PDE10A: variants seen among roughly 807,000 people sequenced by gnomAD.
The protein encoded by PDE10A is phosphodiesterase 10A.
A neutral mutation model predicts 97.7 loss-of-function variants in PDE10A; 39 were observed. The ratio of observed to expected loss-of-function variants is 0.40; its 90% CI spans 0.31 to 0.52. PDE10A has a LOEUF of 0.52. PDE10A is among the 20% of genes least tolerant of loss of function. PDE10A has a pLI of 0.56. For synonymous variants in PDE10A, 371 were observed against 376.8 expected, an observed-to-expected ratio of 0.98 and a Z score of 0.18; for missense variants, 731 against 1,047.8, an observed-to-expected ratio of 0.70 and a Z score of 4.17.
At chr6:165,397,702 CAAAA>C (rs71026686) in intron 13 of PDE10A, among the ~76,000 whole-genome samples, 2 of 88,392 alleles carry the variant, frequency 2.3e-5, no homozygotes, top group Admixed American at 1.3e-4. Flanking sequence ...AACTCCATCT[CAAAA>C]AAAAAAAAAA....
intron 1 of PDE10A, among the ~76,000 whole-genome samples, chr6:165,774,574 T>A (rs1157345958): frequency 6.8e-6 from 1 of 147,912 alleles, no homozygotes; most frequent in Non-Finnish European, 1.5e-5. Context: ...ATGCATATTA[T>A]TTTATATACT....
intron 2 of PDE10A, among the ~76,000 whole-genome samples, chr6:165,534,757 A>T (rs922865390): frequency 6.6e-6 from 1 of 152,118 alleles, no homozygotes; most frequent in African/African-American, 2.4e-5. Flanking sequence ...TTCCTTTATG[A>T]TAAAAACGCT....
chr6:165,896,012 C>T (rs1338154860), intron 1 of PDE10A, among the ~76,000 whole-genome samples: 2 of 152,178 alleles, frequency 1.3e-5, no homozygotes, highest in East Asian at 3.9e-4. Flanking sequence ...TCCGACTCTC[C>T]CAGCTGAGCC....
intron 1 of PDE10A, among the ~76,000 whole-genome samples, chr6:165,908,035 T>C (rs1782347070): frequency 6.6e-6 from 1 of 152,220 alleles, no homozygotes; most frequent in South Asian, 2.1e-4. Context: ...AGTCAGGAAC[T>C]GAGGAATATG....
At chr6:165,578,096 G>C (rs966283058) in intron 1 of PDE10A, among the ~76,000 whole-genome samples, 2 of 152,132 alleles carry the variant, frequency 1.3e-5, no homozygotes, top group Admixed American at 1.3e-4. Context: ...CATTCAATCC[G>C]AACTGACTTC....
intron 18 of PDE10A, among the ~76,000 whole-genome samples, chr6:165,361,967 A>C (rs1381519108): frequency 6.6e-6 from 1 of 152,238 alleles, no homozygotes; most frequent in African/African-American, 2.4e-5. Context: ...AGAAATTAAA[A>C]AGGAAATGTG....
At chr6:165,771,202 G>C (rs974475306) in intron 1 of PDE10A, among the ~76,000 whole-genome samples, 1 of 152,308 alleles carries the variant, frequency 6.6e-6, no homozygotes, top group East Asian at 1.9e-4. Context: ...TACCGTGGGC[G>C]CTATGGAATT....
At chr6:165,536,157 A>C (rs1041953187) in intron 2 of PDE10A, among the ~76,000 whole-genome samples, 2 of 152,020 alleles carry the variant, frequency 1.3e-5, no homozygotes, top group African/African-American at 4.8e-5. Context: ...GGCAGAAATA[A>C]ATCCATATTT....
intron 18 of PDE10A, among the ~76,000 whole-genome samples, chr6:165,361,945 G>A (rs1783454564): frequency 6.6e-6 from 1 of 152,116 alleles, no homozygotes; most frequent in Non-Finnish European, 1.5e-5. Flanking sequence ...AATAACAAAT[G>A]TATCAAAGTT....
intron 2 of PDE10A, among the ~76,000 whole-genome samples, chr6:165,506,267 C>T (rs1781186475): frequency 6.6e-6 from 1 of 152,092 alleles, no homozygotes. Context: ...ACATTTCATA[C>T]AATAAATATA....
chr6:165,696,277 A>G (rs1363784390), intron 1 of PDE10A, among the ~76,000 whole-genome samples: 2 of 152,196 alleles, frequency 1.3e-5, no homozygotes, highest in Non-Finnish European at 2.9e-5. Context: ...TTGTTTACTT[A>G]TGGTCAACCT....
chr6:165,604,966 C>T (rs828566), intron 1 of PDE10A, among the ~76,000 whole-genome samples: 46,305 of 152,088 alleles, frequency 0.3, 8,100 homozygotes, highest in African/African-American at 0.49. Context: ...ACTTTCTCTA[C>T]TCTCAAGCTC....
chr6:165,630,660 C>T (rs879814638), intron 1 of PDE10A, among the ~76,000 whole-genome samples: 1 of 151,946 alleles, frequency 6.6e-6, no homozygotes, highest in Non-Finnish European at 1.5e-5. Flanking sequence ...TGGTAGGACA[C>T]GGCATATTTG....
chr6:165,340,869 T>C (rs1467550528), intron 19 of PDE10A, among the ~76,000 whole-genome samples: 1 of 152,172 alleles, frequency 6.6e-6, no homozygotes, highest in African/African-American at 2.4e-5. Flanking sequence ...GATTTTGGTC[T>C]GTATTACAAC....
At chr6:165,893,614 T>G (rs1278747928) in intron 1 of PDE10A, among the ~76,000 whole-genome samples, 4 of 152,218 alleles carry the variant, frequency 2.6e-5, no homozygotes, top group Admixed American at 1.3e-4. Flanking sequence ...CTCATGCATC[T>G]ACACAGCCGG....
At chr6:165,721,652 G>A (rs1347505702) in intron 1 of PDE10A, among the ~76,000 whole-genome samples, 1 of 152,114 alleles carries the variant, frequency 6.6e-6, no homozygotes. Context: ...AAGGATATTC[G>A]ATTTCCCCTT....
intron 1 of PDE10A, among the ~76,000 whole-genome samples, chr6:165,717,840 G>C (rs766608965): frequency 6.6e-6 from 1 of 152,106 alleles, no homozygotes; most frequent in Non-Finnish European, 1.5e-5. Flanking sequence ...GTAATGTCTG[G>C]GGATGTCGAG....
At chr6:165,447,657 T>C (rs1322227880) in intron 5 of PDE10A, among the ~76,000 whole-genome samples, 1 of 152,208 alleles carries the variant, frequency 6.6e-6, no homozygotes, top group Admixed American at 6.5e-5. Context: ...AGAAGTAATA[T>C]CCATTTGTTA....
At chr6:165,458,832 T>G (rs1877303) in intron 3 of PDE10A, among the ~76,000 whole-genome samples, 50,030 of 151,966 alleles carry the variant, frequency 0.33, 8,839 homozygotes, top group African/African-American at 0.46. Context: ...GATCAGAAAA[T>G]TTAACGTTTC....
Sources: gnomAD v4.1 joint callset for allele counts (sites outside exome capture counted in the v4.1 genomes callset) on GRCh38, gnomAD v4.1.1 for gene constraint, MANE v1.5 for transcripts, NCBI Gene and HGNC (gene_info 2026-07-23, HGNC 2026-07-21) for gene names.